BLTP3A: variants seen among roughly 807,000 people sequenced by gnomAD.
BLTP3A encodes the protein bridge-like lipid transfer protein family member 3A.
chr6:34,870,587 A>G, the BLTP3A span, among the ~76,000 whole-genome samples: 2 of 152,160 alleles, frequency 1.3e-5, no homozygotes, highest in Non-Finnish European at 2.9e-5. Flanking sequence ...AACAAGGCCA[A>G]TCCTTAATCT....
chr6:34,811,685 C>G, the BLTP3A span, among the ~76,000 whole-genome samples: 234 of 82,730 alleles, frequency 2.8e-3, 8 homozygotes, highest in Middle Eastern at 0.014. Flanking sequence ...CCCCCCCCCC[C>G]GCATCTCTAC....
At chr6:34,851,586 A>G in the BLTP3A span, among the ~76,000 whole-genome samples, 531 of 152,270 alleles carry the variant, frequency 3.5e-3, 1 homozygote, top group South Asian at 0.016. Flanking sequence ...TGAAGCCAGC[A>G]CTGTACTGGG....
the BLTP3A span, among the ~76,000 whole-genome samples, chr6:34,846,218 C>T: frequency 6.6e-6 from 1 of 150,876 alleles, no homozygotes; most frequent in South Asian, 2.1e-4. Context: ...AATCTCAGCT[C>T]ACTGCATCCT....
the BLTP3A span, among the ~76,000 whole-genome samples, chr6:34,801,547 C>T: frequency 1.3e-5 from 2 of 152,072 alleles, no homozygotes; most frequent in African/African-American, 4.8e-5. Flanking sequence ...CCGTGTCCTG[C>T]AGTACATGGA....
the BLTP3A span, among the ~76,000 whole-genome samples, chr6:34,865,894 C>G: frequency 6.6e-6 from 1 of 152,126 alleles, no homozygotes; most frequent in Non-Finnish European, 1.5e-5. Flanking sequence ...CCTCATACAC[C>G]CATTACCTAG....
the BLTP3A span, among the ~76,000 whole-genome samples, chr6:34,839,926 T>C: frequency 2.0e-5 from 3 of 152,234 alleles, no homozygotes; most frequent in Admixed American, 6.5e-5. Context: ...ACAAGAGCTG[T>C]GCCATGCCGT....
the BLTP3A span, among the ~76,000 whole-genome samples, chr6:34,839,480 C>T: frequency 6.6e-6 from 1 of 152,144 alleles, no homozygotes; most frequent in African/African-American, 2.4e-5. Context: ...GTGGCTGATT[C>T]AAATTGAGAT....
the BLTP3A span, among the ~76,000 whole-genome samples, chr6:34,817,103 G>A: frequency 6.6e-6 from 1 of 152,214 alleles, no homozygotes; most frequent in Non-Finnish European, 1.5e-5. Flanking sequence ...TCTCCTCAGA[G>A]TCCTTAGGGG....
chr6:34,856,656 T>G, the BLTP3A span: 1 of 1,246,764 alleles, frequency 8.0e-7, no homozygotes, highest in Non-Finnish European at 1.1e-6. Context: ...TTTGAGTTCA[T>G]CCAGGAGCTA....
the BLTP3A span, among the ~76,000 whole-genome samples, chr6:34,843,097 C>T: frequency 6.6e-6 from 1 of 152,148 alleles, no homozygotes; most frequent in Non-Finnish European, 1.5e-5. Flanking sequence ...GATCCTCCCA[C>T]GTCAGCCTCC....
the BLTP3A span, among the ~76,000 whole-genome samples, chr6:34,866,468 T>A: frequency 6.6e-6 from 1 of 152,144 alleles, no homozygotes; most frequent in Non-Finnish European, 1.5e-5. Context: ...CTGCCCACTT[T>A]CCTTCATCTC....
At chr6:34,822,103 C>G in the BLTP3A span, 5 of 980,396 alleles carry the variant, frequency 5.1e-6, no homozygotes, top group Admixed American at 1.1e-4. Flanking sequence ...GACAGTGTGA[C>G]TGTTGTCTGG....
chr6:34,799,172 C>T, the BLTP3A span, among the ~76,000 whole-genome samples: 1 of 152,072 alleles, frequency 6.6e-6, no homozygotes, highest in Non-Finnish European at 1.5e-5. Flanking sequence ...GAACTCCAGA[C>T]CTCAAGTGAT....
chr6:34,823,312 A>G, the BLTP3A span: 262 of 1,614,094 alleles, frequency 1.6e-4, 1 homozygote, highest in African/African-American at 3.3e-4. Flanking sequence ...CGGCCCCCCA[A>G]TGGACAGTCT....
chr6:34,866,412 GAA>G, the BLTP3A span, among the ~76,000 whole-genome samples: 1 of 134,830 alleles, frequency 7.4e-6, no homozygotes, highest in African/African-American at 2.7e-5. Flanking sequence ...TCAAAAAAAA[GAA>G]AAAAAAAAAA....
chr6:34,858,649 C>T, the BLTP3A span: 1 of 1,614,084 alleles, frequency 6.2e-7, no homozygotes, highest in African/African-American at 1.3e-5. Context: ...GTCTGAGGCT[C>T]TTGCCCCTGA....
At chr6:34,792,248 G>A in the BLTP3A span, 3 of 1,537,652 alleles carry the variant, frequency 2.0e-6, no homozygotes, top group East Asian at 2.5e-5. Context: ...CCGCGGCTCC[G>A]GCATGGCCGG....
the BLTP3A span, chr6:34,858,697 T>C: frequency 3.1e-6 from 5 of 1,614,080 alleles, no homozygotes; most frequent in Middle Eastern, 1.6e-4. Flanking sequence ...TGAACATGAC[T>C]TGAAAAGCTT....
the BLTP3A span, among the ~76,000 whole-genome samples, chr6:34,829,873 C>T: frequency 1.3e-5 from 2 of 152,214 alleles, no homozygotes; most frequent in South Asian, 4.1e-4. Flanking sequence ...GGCGCAATCT[C>T]GGCTCACTGC....
Sources: allele counts gnomAD v4.1 joint callset (sites outside exome capture counted in the v4.1 genomes callset), GRCh38; gene constraint gnomAD v4.1.1; transcripts MANE v1.5; gene names NCBI Gene and HGNC (gene_info 2026-07-23, HGNC 2026-07-21).